ETFRF1: variants seen among roughly 807,000 people sequenced by gnomAD.
The protein encoded by ETFRF1 is LYR motif containing 5.
Under a neutral mutation model 9.0 loss-of-function variants are expected in ETFRF1, and 12 were observed. The ratio of observed to expected loss-of-function variants is 1.34; its 90% CI spans 0.86 to 2.16. The LOEUF (loss-of-function observed/expected upper bound fraction) is 2.16. Among genes scored for constraint, ETFRF1 ranks in the 30% most tolerant of loss-of-function variants. The pLI, the probability that ETFRF1 is intolerant of heterozygous loss-of-function variation, is 0.00. For synonymous variants in ETFRF1, 34 were observed against 33.2 expected (o/e 1.02, Z -0.08); for missense variants, 98 against 101.8 (o/e 0.96, Z 0.16).
chr12:25,199,955 A>T (rs1165586957), intron 1 of ETFRF1, among the ~76,000 whole-genome samples: 2 of 152,220 alleles, frequency 1.3e-5, no homozygotes, highest in African/African-American at 4.8e-5. Context: ...CACACCTGTT[A>T]TCCCAGCACT....
At chr12:25,198,539 C>T (rs1465766844) in intron 1 of ETFRF1, among the ~76,000 whole-genome samples, 4 of 151,808 alleles carry the variant, frequency 2.6e-5, no homozygotes, top group Non-Finnish European at 5.9e-5. Context: ...CAGAAGCAAG[C>T]AGAAAAGCAA....
At chr12:25,195,489 G>A (rs763871869) in intron 1 of ETFRF1, 152 bp downstream of exon 1, 1 of 335,204 alleles carries the variant, frequency 3.0e-6, no homozygotes, top group Admixed American at 4.5e-5. Flanking sequence ...AGTGTGTTGG[G>A]TCTTTCTGTG....
intron 1 of ETFRF1, among the ~76,000 whole-genome samples, chr12:25,198,088 GACT>G (rs1951044916): frequency 6.6e-6 from 1 of 152,068 alleles, no homozygotes; most frequent in Non-Finnish European, 1.5e-5. Flanking sequence ...ATTGGAAGTG[GACT>G]ACATGAAAGC....
chr12:25,203,786 C>T (rs949487667), intron 1 of ETFRF1, 134 bp from the exon 2 acceptor site: 27 of 512,446 alleles, frequency 5.3e-5, no homozygotes, highest in African/African-American at 4.0e-4. Flanking sequence ...TATCCCAGTA[C>T]GTGGAACGAA....
intron 1 of ETFRF1, 56 bp from the exon 2 acceptor site, chr12:25,203,864 T>TTTA (rs1209854395): frequency 9.9e-7 from 1 of 1,005,524 alleles, no homozygotes; most frequent in Admixed American, 3.6e-5. Context: ...ATAACCTTTT[T>TTTA]TTATTTTTTT....
At chr12:25,198,191 G>T (rs964203873) in intron 1 of ETFRF1, among the ~76,000 whole-genome samples, 1 of 152,144 alleles carries the variant, frequency 6.6e-6, no homozygotes, top group Non-Finnish European at 1.5e-5. Flanking sequence ...CTAGTCCCTG[G>T]ACTGGGGCAT....
chr12:25,196,574 C>T (rs1188880436), intron 1 of ETFRF1, among the ~76,000 whole-genome samples: 1 of 152,216 alleles, frequency 6.6e-6, no homozygotes, highest in Non-Finnish European at 1.5e-5. Flanking sequence ...AGTCCTAACT[C>T]CTTAGCCTAG....
intron 1 of ETFRF1, among the ~76,000 whole-genome samples, chr12:25,202,767 C>T (rs1951086046): frequency 6.6e-6 from 1 of 152,100 alleles, no homozygotes; most frequent in African/African-American, 2.4e-5. Flanking sequence ...AGACTTCTCA[C>T]TGTTCAGCAA....
At chr12:25,202,937 G>A (rs1306664121) in intron 1 of ETFRF1, among the ~76,000 whole-genome samples, 2 of 152,140 alleles carry the variant, frequency 1.3e-5, no homozygotes, top group Non-Finnish European at 2.9e-5. Context: ...TCACTTAGAG[G>A]ACCTGGGAAC....
At chr12:25,196,894 C>T (rs1483238130) in intron 1 of ETFRF1, among the ~76,000 whole-genome samples, 1 of 152,186 alleles carries the variant, frequency 6.6e-6, no homozygotes, top group Non-Finnish European at 1.5e-5. Context: ...GTGGCTCACG[C>T]CTGTAATCCC....
intron 1 of ETFRF1, 139 bp downstream of exon 1, chr12:25,195,476 T>G: frequency 2.6e-6 from 1 of 382,844 alleles, no homozygotes. Flanking sequence ...GTTTATTTCC[T>G]AGAGTGTGTT....
Position 25,204,851 on chromosome 12 carries a change from C to T in ETFRF1, c.*539C>T, listed in dbSNP as rs958974906. On this transcript the variant is annotated 3_prime_UTR_variant, in exon 3 of 3. Transcript: ENST00000381356. The stretch of plus-strand genomic sequence containing the variant: ...ATATGTATGGAGTCATTACTTCTGA[C>T]CTTGAAATAGCCTGCTGGTGACTGG... The T allele has an allele frequency of 1.0e-5, 2 of 196,196 alleles. No individual in the cohort carries two copies. The highest frequency in any genetic ancestry group is 4.6e-5 in the African/African-American group (2 of 43,308). The allele number at this position is 196,196 out of a possible 1,614,324, so 12.2% of individuals were successfully genotyped here. A position where few individuals can be genotyped will look rare whatever the true frequency, so the allele number is the denominator to read the frequency against.
At chr12:25,196,489 G>T (rs972400620) in intron 1 of ETFRF1, among the ~76,000 whole-genome samples, 5 of 152,284 alleles carry the variant, frequency 3.3e-5, no homozygotes, top group African/African-American at 1.2e-4. Flanking sequence ...GGGGAACAAT[G>T]ATTAACAACT....
At chr12:25,196,011 G>A (rs1950992240) in intron 1 of ETFRF1, 1 of 152,182 alleles carries the variant, frequency 6.6e-6, no homozygotes, top group African/African-American at 2.4e-5. Flanking sequence ...TATGAGACCT[G>A]AAATACTTTT....
intron 1 of ETFRF1, among the ~76,000 whole-genome samples, chr12:25,200,334 T>C (rs1290108174): frequency 6.6e-6 from 1 of 151,938 alleles, no homozygotes; most frequent in Non-Finnish European, 1.5e-5. Context: ...AGGGAGGAAA[T>C]CATGAATGAA....
chr12:25,195,430 T>C (rs1950967278), intron 1 of ETFRF1, 93 bp downstream of exon 1: 1 of 492,410 alleles, frequency 2.0e-6, no homozygotes, highest in African/African-American at 1.9e-5. Flanking sequence ...CCACCGGGTG[T>C]GGGAAGAGGG....
chr12:25,203,526 G>A (rs1408186779), intron 1 of ETFRF1, among the ~76,000 whole-genome samples: 5 of 147,348 alleles, frequency 3.4e-5, no homozygotes, highest in African/African-American at 1.1e-4. Context: ...ATAATCTCTT[G>A]TTTGTTGATA....
intron 1 of ETFRF1, among the ~76,000 whole-genome samples, chr12:25,199,311 T>C (rs954023916): frequency 7.3e-6 from 1 of 137,774 alleles, no homozygotes; most frequent in Non-Finnish European, 1.6e-5. Context: ...TACTACATAG[T>C]ACATATAGTA....
intron 1 of ETFRF1, among the ~76,000 whole-genome samples, chr12:25,198,433 G>A (rs1379617927): frequency 1.3e-5 from 2 of 152,106 alleles, no homozygotes; most frequent in South Asian, 2.1e-4. Context: ...CTTCACCCAC[G>A]TATACAGATC....
Sources: gnomAD v4.1 joint callset for allele counts (sites outside exome capture counted in the v4.1 genomes callset) on GRCh38, gnomAD v4.1.1 for gene constraint, MANE v1.5 for transcripts, NCBI Gene and HGNC (gene_info 2026-07-23, HGNC 2026-07-21) for gene names.